The following IPO8 variants were observed in gnomAD, a reference collection of about 807,000 sequenced individuals.
IPO8 encodes the protein importin 8, also known as importin-8.
In IPO8, 65 loss-of-function variants were observed where a neutral mutation model predicts 141.2. The ratio of observed to expected loss-of-function variants is 0.46; its 90% CI spans 0.38 to 0.57. The LOEUF is 0.57. IPO8 is among the 20% of genes least tolerant of loss of function. The pLI is 0.00. For synonymous variants in IPO8, 411 were observed against 420.3 expected (o/e 0.98, Z 0.27); for missense variants, 980 against 1,246.8 (o/e 0.79, Z 3.22).
intron 4 of IPO8, among the ~76,000 whole-genome samples, chr12:30,681,140 T>C (rs2053185082): frequency 6.6e-6 from 1 of 152,088 alleles, no homozygotes; most frequent in Non-Finnish European, 1.5e-5. Flanking sequence ...TAGGAACTAG[T>C]CAGTTTAAAA....
chr12:30,684,217 C>T, intron 3 of IPO8, 84 bp downstream of exon 3: 1 of 1,214,444 alleles, frequency 8.2e-7, no homozygotes, highest in Non-Finnish European at 1.2e-6. Flanking sequence ...AAACATGAGG[C>T]CAAGGATTAG....
chr12:30,691,670 C>G lies in IPO8; in HGVS notation c.85-1093G>C, dbSNP rs934877537. ...TGACCCAGAGAGTCTGTTCAGCTCACCCCTCTCCTCAGAGCCTGGATCTGT... is the reference window on the plus strand; with the variant it reads ...TGACCCAGAGAGTCTGTTCAGCTCAGCCCTCTCCTCAGAGCCTGGATCTGT... On this transcript the variant is annotated intron_variant, in intron 1 of 24. Coordinates refer to ENST00000256079, the MANE Select transcript of IPO8 (RefSeq NM_006390.4). Among the ~76,000 whole-genome samples the G allele has an allele frequency of 7.2e-5, 11 of 152,340 alleles. No homozygotes were observed. In the South Asian group the frequency reaches 1.2e-3, roughly 17 times the overall value.
At chr12:30,664,767 G>A (rs930930598) in intron 13 of IPO8, among the ~76,000 whole-genome samples, 4 of 151,834 alleles carry the variant, frequency 2.6e-5, no homozygotes, top group African/African-American at 9.7e-5. Flanking sequence ...TTTGAGACAG[G>A]GTCTCACTGT....
chr12:30,649,108 A>G, intron 20 of IPO8, 29 bp downstream of exon 20: 1 of 1,454,668 alleles, frequency 6.9e-7, no homozygotes, highest in South Asian at 1.2e-5. Flanking sequence ...TGTAACCCTC[A>G]AGTAAGGCAC....
intron 21 of IPO8, among the ~76,000 whole-genome samples, chr12:30,638,031 G>A (rs901918493): frequency 1.3e-5 from 2 of 152,124 alleles, no homozygotes; most frequent in African/African-American, 4.8e-5. Flanking sequence ...TAACAGAACT[G>A]TACTTGACCT....
intron 1 of IPO8, among the ~76,000 whole-genome samples, chr12:30,693,606 G>A (rs1345246776): frequency 2.6e-5 from 4 of 152,298 alleles, no homozygotes; most frequent in Non-Finnish European, 4.4e-5. Context: ...TGTTACAGTG[G>A]TGGCAAAGGA....
Position 30,630,959 on chromosome 12 carries a change from T to C in IPO8, c.3017-2A>G, listed in dbSNP as rs780851403. 3 of 1,610,350 alleles carry C rather than the reference T, an allele frequency of 1.9e-6. No homozygotes were observed. Among genetic ancestry groups the C allele is most frequent in the Non-Finnish European group, 2.5e-6 (3 of 1,178,526 alleles). On this transcript the variant is annotated splice_acceptor_variant, in intron 24 of 24. Transcript: ENST00000256079. LOFTEE classifies it high-confidence loss of function. Reference sequence around the variant, plus strand: ...GTTGTTCAATCTTCTTCTTTGCCTCTAGCATTTTTCAAAAGAAAAGGGGAG... The same window carrying C: ...GTTGTTCAATCTTCTTCTTTGCCTCCAGCATTTTTCAAAAGAAAAGGGGAG...
chr12:30,678,790 T>C (rs2053154372), intron 5 of IPO8, among the ~76,000 whole-genome samples: 2 of 152,300 alleles, frequency 1.3e-5, no homozygotes, highest in East Asian at 1.9e-4. Context: ...GTATAGAATA[T>C]CCAAGTGTCC....
At chr12:30,672,126 T>C (rs1376954772) in intron 8 of IPO8, among the ~76,000 whole-genome samples, 2 of 152,204 alleles carry the variant, frequency 1.3e-5, no homozygotes, top group Non-Finnish European at 2.9e-5. Context: ...CAAGGACCTT[T>C]AGGCAACTTT....
chr12:30,661,656 T>TA (rs1051318306), intron 15 of IPO8, among the ~76,000 whole-genome samples: 1 of 148,840 alleles, frequency 6.7e-6, no homozygotes. Flanking sequence ...GAAAAGTTTT[T>TA]AAAAAAATTA....
intron 1 of IPO8, among the ~76,000 whole-genome samples, chr12:30,692,570 G>A (rs2136178460): frequency 6.6e-6 from 1 of 152,258 alleles, no homozygotes; most frequent in South Asian, 2.1e-4. Context: ...GAAGTTTTCT[G>A]CAAATACGCA....
At chr12:30,648,672 A>C (rs2052682224) in intron 20 of IPO8, among the ~76,000 whole-genome samples, 1 of 152,200 alleles carries the variant, frequency 6.6e-6, no homozygotes, top group African/African-American at 2.4e-5. Flanking sequence ...AATAGTATCA[A>C]AAATTGCATT....
intron 17 of IPO8, among the ~76,000 whole-genome samples, chr12:30,654,051 C>T (rs1326756467): frequency 6.6e-6 from 1 of 151,968 alleles, no homozygotes; most frequent in Middle Eastern, 3.2e-3. Context: ...TAAATCTACC[C>T]ATTTAGGGTC....
At chr12:30,647,149 A>G (rs1402563965) in intron 20 of IPO8, among the ~76,000 whole-genome samples, 3 of 152,106 alleles carry the variant, frequency 2.0e-5, no homozygotes, top group Non-Finnish European at 4.4e-5. Flanking sequence ...TCCAGAAAAA[A>G]CCCTCACATT....
rs754195979 is a variant in IPO8 at position 30,652,954 on chromosome 12, G to A, written c.2074+13C>T. The A allele has an allele frequency of 2.5e-6, 4 of 1,589,792 alleles. No homozygotes were observed. Among genetic ancestry groups the A allele is most frequent in the African/African-American group, 2.7e-5 (2 of 73,044 alleles). On this transcript the variant is annotated intron_variant, in intron 18 of 24. Transcript: ENST00000256079. Reference sequence around the variant, plus strand: ...CACAGAAAAGCAAAAATTTTATATGGTCAAAGCCATACCTGTAAAGTATTC... The same window carrying A: ...CACAGAAAAGCAAAAATTTTATATGATCAAAGCCATACCTGTAAAGTATTC...
chr12:30,639,728 G>A lies in IPO8; in HGVS notation c.2276C>T (p.Pro759Leu). The part of the protein sequence containing the change: ...CKGRGIDQCI[P>L]LFVQLVLERL... Reference sequence around the variant, plus strand: ...CTCCAAAACAAGTTGAACGAAGAGTGGAATGCACTAGAAGACAAGCAAAAG... The same window carrying A: ...CTCCAAAACAAGTTGAACGAAGAGTAGAATGCACTAGAAGACAAGCAAAAG... The change falls in exon 21 of 25, where the codon CCA (proline) becomes CTA (leucine). Residue 759 changes from proline to leucine, a missense_variant. Physicochemically the swap from Pro to Leu is moderately conservative, Grantham distance 98. Transcript: ENST00000256079. 3 of 1,613,428 alleles carry A rather than the reference G, an allele frequency of 1.9e-6. No individual in the cohort carries two copies. The highest frequency in any genetic ancestry group is 8.5e-7 in the Non-Finnish European group (1 of 1,179,536).
chr12:30,641,862 G>C (rs1386970463), intron 20 of IPO8, among the ~76,000 whole-genome samples: 8 of 152,122 alleles, frequency 5.3e-5, no homozygotes, highest in Admixed American at 4.6e-4. Context: ...AATCGAGTAG[G>C]TTAAGGATAA....
intron 2 of IPO8, among the ~76,000 whole-genome samples, chr12:30,687,540 TTC>T (rs1180842229): frequency 8.5e-5 from 13 of 152,176 alleles, no homozygotes; most frequent in African/African-American, 2.9e-4. Context: ...GAGTTGATGT[TTC>T]TAAGTCTTGC....
intron 2 of IPO8, among the ~76,000 whole-genome samples, 162 bp from the exon 3 acceptor site, chr12:30,684,619 A>G (rs1405394506): frequency 2.0e-5 from 3 of 152,230 alleles, no homozygotes; most frequent in Non-Finnish European, 2.9e-5. Flanking sequence ...GGGAAAGTGG[A>G]TAAGAATTTA....
Sources: allele counts gnomAD v4.1 joint callset (sites outside exome capture counted in the v4.1 genomes callset), GRCh38; gene constraint gnomAD v4.1.1; transcripts MANE v1.5; gene names NCBI Gene and HGNC (gene_info 2026-07-23, HGNC 2026-07-21).